CACNA2D1: variants seen among roughly 807,000 people sequenced by gnomAD.
CACNA2D1 encodes the protein voltage-dependent calcium channel subunit alpha-2/delta-1.
CACNA2D1 carries 53 observed loss-of-function variants against 171.5 expected under a neutral mutation model. That is an observed-to-expected ratio of 0.31 (90% CI 0.25 to 0.39). The LOEUF (loss-of-function observed/expected upper bound fraction) is 0.39, where lower values mean the gene tolerates loss of function less well. CACNA2D1 is among the 10% of genes least tolerant of loss of function. The pLI is 1.00. For missense variants in CACNA2D1, 903 were observed against 1,299.8 expected (o/e 0.69, Z 4.69); for synonymous variants, 442 against 443.1 (o/e 1.00, Z 0.03).
intron 1 of CACNA2D1, among the ~76,000 whole-genome samples, chr7:82,392,722 T>C (rs1246846204): frequency 6.6e-6 from 1 of 152,146 alleles, no homozygotes; most frequent in African/African-American, 2.4e-5. Context: ...TGTATTAACA[T>C]GATTGGAGAA....
chr7:82,398,876 G>A (rs979017280), intron 1 of CACNA2D1, among the ~76,000 whole-genome samples: 2 of 150,810 alleles, frequency 1.3e-5, no homozygotes, highest in South Asian at 4.2e-4. Context: ...ACCACACCCG[G>A]CCCCATTCTC....
At chr7:82,037,067 A>G (rs986018686) in intron 11 of CACNA2D1, among the ~76,000 whole-genome samples, 5 of 152,212 alleles carry the variant, frequency 3.3e-5, no homozygotes, top group Non-Finnish European at 7.3e-5. Flanking sequence ...ACTCTCAAAC[A>G]TGATAATAAT....
chr7:82,307,031 C>G (rs1563342581), intron 3 of CACNA2D1, among the ~76,000 whole-genome samples: 1 of 152,118 alleles, frequency 6.6e-6, no homozygotes, highest in Non-Finnish European at 1.5e-5. Context: ...CAGCCTGTGG[C>G]CTAGTGGCTA....
chr7:82,161,763 T>C (rs1794970997), intron 4 of CACNA2D1, among the ~76,000 whole-genome samples: 2 of 151,998 alleles, frequency 1.3e-5, no homozygotes, highest in Non-Finnish European at 2.9e-5. Flanking sequence ...AAGCATGTCA[T>C]CGGATAAATG....
intron 3 of CACNA2D1, among the ~76,000 whole-genome samples, chr7:82,210,279 A>G (rs951363927): frequency 6.6e-6 from 1 of 152,170 alleles, no homozygotes; most frequent in Non-Finnish European, 1.5e-5. Context: ...TATTTGAAGT[A>G]TGCCTCATTT....
intron 21 of CACNA2D1, 150 bp downstream of exon 21, chr7:81,991,035 T>G: frequency 5.7e-6 from 3 of 523,058 alleles, no homozygotes; most frequent in Non-Finnish European, 6.9e-6. Context: ...TTTTTCCATC[T>G]TTTCCATTTT....
chr7:82,038,255 A>G lies in CACNA2D1; in HGVS notation c.880-20T>C. The G allele has an allele frequency of 6.3e-7, 1 of 1,596,020 alleles. No individual in the cohort carries two copies. Among genetic ancestry groups the G allele is most frequent in the Non-Finnish European group, 8.6e-7 (1 of 1,165,868 alleles). On this transcript the variant is annotated intron_variant, in intron 10 of 38. Coordinates refer to ENST00000356860, the MANE Select transcript of CACNA2D1 (RefSeq NM_000722.4). The stretch of plus-strand genomic sequence containing the variant: ...GTTAAACTGCAAAAGATTAAAAAGT[A>G]AATATATAAATGAACATTAAAATCA...
At chr7:82,428,955 A>T (rs937836033) in intron 1 of CACNA2D1, among the ~76,000 whole-genome samples, 5 of 152,092 alleles carry the variant, frequency 3.3e-5, no homozygotes, top group Admixed American at 2.6e-4. Context: ...AATTTTTGGG[A>T]GTTAGTAGAG....
At chr7:82,391,204 G>T (rs1825081058) in intron 1 of CACNA2D1, among the ~76,000 whole-genome samples, 1 of 151,992 alleles carries the variant, frequency 6.6e-6, no homozygotes. Flanking sequence ...AGAGTACCAA[G>T]GTGGGAAAAA....
chr7:82,357,774 A>G (rs989985771), intron 1 of CACNA2D1, among the ~76,000 whole-genome samples: 1 of 151,536 alleles, frequency 6.6e-6, no homozygotes, highest in South Asian at 2.1e-4. Flanking sequence ...TGACCAGTTA[A>G]TGGGTGCAGC....
At chr7:82,148,324 G>GAAA (rs77224134) in intron 4 of CACNA2D1, among the ~76,000 whole-genome samples, 3 of 111,586 alleles carry the variant, frequency 2.7e-5, no homozygotes, top group African/African-American at 9.7e-5. Context: ...GGCATAGTTA[G>GAAA]AAAAAAAAAA....
chr7:82,277,422 G>A (rs184847483), intron 3 of CACNA2D1, among the ~76,000 whole-genome samples: 3 of 152,198 alleles, frequency 2.0e-5, no homozygotes, highest in Admixed American at 6.5e-5. Context: ...GACTGGTCTC[G>A]AACTCCTGAC....
At position 81,974,435 on chromosome 7, in the gene CACNA2D1, T is replaced by C. The variant is rs760761972; in HGVS notation, c.2053+20A>G. 1.6e-6 allele frequency: 2 copies of C among 1,224,734 alleles called. No individual in the cohort carries two copies. The highest frequency in any genetic ancestry group is 3.0e-5 in the African/African-American group (2 of 67,404). The allele number at this position is 1,224,734 out of a possible 1,614,324, so 75.9% of individuals were successfully genotyped here. On this transcript the variant is annotated intron_variant, in intron 25 of 38. Coordinates refer to ENST00000356860, the MANE Select transcript of CACNA2D1 (RefSeq NM_000722.4). ...ATAGAACCACACTCAAGCAATCATTTTGAATTAATGCATACTTACATGATG... is the reference window on the plus strand; with the variant it reads ...ATAGAACCACACTCAAGCAATCATTCTGAATTAATGCATACTTACATGATG...
intron 3 of CACNA2D1, among the ~76,000 whole-genome samples, chr7:82,231,138 C>T (rs1271118439): frequency 6.6e-6 from 1 of 152,198 alleles, no homozygotes; most frequent in African/African-American, 2.4e-5. Context: ...TGCTTCAGAG[C>T]TCAGCACTGG....
chr7:82,001,594 C>T, intron 18 of CACNA2D1: 1 of 505,588 alleles, frequency 2.0e-6, no homozygotes, highest in Non-Finnish European at 3.5e-6. Flanking sequence ...AGAACAGAAG[C>T]TTAATCCCAA....
chr7:81,956,929 G>A (rs1419214571), intron 38 of CACNA2D1, among the ~76,000 whole-genome samples: 1 of 151,956 alleles, frequency 6.6e-6, no homozygotes, highest in Non-Finnish European at 1.5e-5. Flanking sequence ...TTCTTAAAAG[G>A]TTAATTAATA....
intron 1 of CACNA2D1, among the ~76,000 whole-genome samples, chr7:82,412,473 C>T (rs73386102): frequency 8.6e-5 from 13 of 151,716 alleles, no homozygotes; most frequent in African/African-American, 2.4e-4. Flanking sequence ...AGTAGAGATG[C>T]GGTTTCAGCA....
At chr7:82,387,964 C>G (rs1300767117) in intron 1 of CACNA2D1, among the ~76,000 whole-genome samples, 1 of 151,814 alleles carries the variant, frequency 6.6e-6, no homozygotes, top group African/African-American at 2.4e-5. Flanking sequence ...GGCCTGTAGT[C>G]CCAGCTACTT....
intron 1 of CACNA2D1, among the ~76,000 whole-genome samples, chr7:82,440,031 A>C (rs1830376443): frequency 6.6e-6 from 1 of 151,834 alleles, no homozygotes; most frequent in Admixed American, 6.6e-5. Flanking sequence ...TTAAATACAA[A>C]TTTCTCTAAT....
Sources: allele counts gnomAD v4.1 joint callset (sites outside exome capture counted in the v4.1 genomes callset), GRCh38; gene constraint gnomAD v4.1.1; transcripts MANE v1.5; gene names NCBI Gene and HGNC (gene_info 2026-07-23, HGNC 2026-07-21).